Variants in TNNI3K observed in about 807,000 individuals in gnomAD.
The protein encoded by TNNI3K is serine/threonine-protein kinase TNNI3K.
A neutral mutation model predicts 114.5 loss-of-function variants in TNNI3K; 140 were observed. That is an observed-to-expected ratio of 1.22 (90% CI 1.07 to 1.41). The LOEUF is 1.41. TNNI3K is among the 40% of genes most tolerant of loss of function. The probability of loss-of-function intolerance (pLI) is 0.00; values close to 1 mark genes in which losing one functional copy is unlikely to be tolerated. For missense variants in TNNI3K, 1,125 were observed against 1,007.6 expected (o/e 1.12, Z -1.58); for synonymous variants, 347 against 347.5 (o/e 1.00, Z 0.02).
intron 4 of TNNI3K, among the ~76,000 whole-genome samples, chr1:74,263,430 A>G (rs1475033143): frequency 6.6e-6 from 1 of 152,042 alleles, no homozygotes. Context: ...CTTGATATAT[A>G]TACTTAATAA....
At chr1:74,316,934 C>T (rs910908105) in intron 5 of TNNI3K, among the ~76,000 whole-genome samples, 1 of 151,686 alleles carries the variant, frequency 6.6e-6, no homozygotes, top group African/African-American at 2.4e-5. Flanking sequence ...CTCCTGACCT[C>T]GTGATCTGCC....
At position 74,408,220 on chromosome 1, in the gene TNNI3K, A is replaced by G. The variant is rs1886771; in HGVS notation, c.1773-27860A>G. On this transcript the variant is annotated intron_variant, in intron 17 of 24. Transcript: ENST00000326637. ...GCATGGGTAGGACATTGAATGCCAA[A>G]CCGATGACAATTTTCAAGTAGGGAT... is the stretch of plus-strand genomic sequence containing the variant. Among the ~76,000 whole-genome samples, 732 of 152,248 alleles carry G rather than the reference A, an allele frequency of 4.8e-3. 12 individuals are homozygous for G. Among genetic ancestry groups the G allele is most frequent in the African/African-American group, 0.017 (699 of 41,560 alleles).
intron 23 of TNNI3K, among the ~76,000 whole-genome samples, chr1:74,500,455 T>G (rs1324524439): frequency 1.3e-5 from 2 of 151,206 alleles, no homozygotes; most frequent in African/African-American, 4.9e-5. Flanking sequence ...TACAAAAAAA[T>G]TAGCCGGGCG....
At chr1:74,511,937 G>A (rs938829764) in intron 23 of TNNI3K, among the ~76,000 whole-genome samples, 14 of 152,148 alleles carry the variant, frequency 9.2e-5, no homozygotes, top group African/African-American at 3.4e-4. Context: ...TATAGATGAG[G>A]ATCTAAAGTC....
At chr1:74,260,035 A>G (rs1029109246) in intron 4 of TNNI3K, among the ~76,000 whole-genome samples, 1 of 152,120 alleles carries the variant, frequency 6.6e-6, no homozygotes, top group Non-Finnish European at 1.5e-5. Flanking sequence ...TGTTTTTATA[A>G]TTTCTTCTGC....
intron 5 of TNNI3K, among the ~76,000 whole-genome samples, chr1:74,311,685 G>C (rs1659004477): frequency 6.6e-6 from 1 of 152,096 alleles, no homozygotes; most frequent in African/African-American, 2.4e-5. Context: ...TTTGTTCTTG[G>C]TGACATTTTA....
intron 17 of TNNI3K, among the ~76,000 whole-genome samples, chr1:74,392,302 A>C (rs1207125947): frequency 6.6e-6 from 1 of 152,334 alleles, no homozygotes; most frequent in East Asian, 1.9e-4. Flanking sequence ...GTTGCAAAAT[A>C]GAAGGATCTA....
chr1:74,352,910 G>A (rs765625496), intron 9 of TNNI3K, among the ~76,000 whole-genome samples: 11 of 152,164 alleles, frequency 7.2e-5, no homozygotes, highest in South Asian at 2.1e-4. Context: ...GACCCTTTGC[G>A]CTTCCCAGGT....
chr1:74,510,205 C>T (rs765536503), intron 23 of TNNI3K, among the ~76,000 whole-genome samples: 112 of 152,254 alleles, frequency 7.4e-4, no homozygotes, highest in Non-Finnish European at 1.5e-3. Context: ...AATCAGTTCT[C>T]ACCTTTTAAA....
Position 74,489,242 on chromosome 1 carries a change from C to T in TNNI3K, c.2175C>T (p.Asn725=). The change falls in exon 22 of 25, where the codon AAC becomes AAT. Residue 725 remains asparagine, a synonymous_variant. Coordinates refer to ENST00000326637, the MANE Select transcript of TNNI3K (RefSeq NM_015978.3). Reference sequence around the variant, plus strand: ...TGAAGTTAGAAGAGTGTCTCTGCAACATTGAGGTAAAAGCTTTAGCTTCTG... The same window carrying T: ...TGAAGTTAGAAGAGTGTCTCTGCAATATTGAGGTAAAAGCTTTAGCTTCTG... The part of the protein sequence containing the change: ...VVMKLEECLC[N]IELMSPASSN... The T allele has an allele frequency of 1.9e-6, 3 of 1,611,136 alleles. No individual in the cohort carries two copies. Among genetic ancestry groups the T allele is most frequent in the Non-Finnish European group, 2.5e-6 (3 of 1,178,724 alleles).
At chr1:74,393,364 T>TA (rs950594297) in intron 17 of TNNI3K, among the ~76,000 whole-genome samples, 33 of 151,850 alleles carry the variant, frequency 2.2e-4, no homozygotes, top group Admixed American at 5.2e-4. Flanking sequence ...CCATATAATT[T>TA]AAAAAAAAGG....
chr1:74,362,744 G>A (rs933694834), intron 11 of TNNI3K, among the ~76,000 whole-genome samples: 8 of 152,040 alleles, frequency 5.3e-5, no homozygotes, highest in African/African-American at 1.7e-4. Flanking sequence ...TGAAAGCAAA[G>A]AGGATTTAAC....
At chr1:74,425,333 A>G (rs931379024) in intron 17 of TNNI3K, among the ~76,000 whole-genome samples, 3 of 152,266 alleles carry the variant, frequency 2.0e-5, no homozygotes, top group South Asian at 4.1e-4. Context: ...AATGTTGAAT[A>G]TATAGAAAAC....
chr1:74,436,949 G>A (rs529787781), intron 19 of TNNI3K, among the ~76,000 whole-genome samples: 50 of 152,044 alleles, frequency 3.3e-4, no homozygotes, highest in African/African-American at 1.2e-3. Context: ...GTATATCCAA[G>A]TATTAATGTT....
intron 17 of TNNI3K, chr1:74,402,023 T>C: frequency 4.1e-6 from 1 of 245,408 alleles, no homozygotes; most frequent in South Asian, 4.6e-5. Flanking sequence ...AATAATAAAC[T>C]TAAGTTGGAA....
At chr1:74,320,514 T>G (rs565368698) in intron 5 of TNNI3K, among the ~76,000 whole-genome samples, 1 of 152,344 alleles carries the variant, frequency 6.6e-6, no homozygotes, top group South Asian at 2.1e-4. Flanking sequence ...ATATATTAAA[T>G]AGTCAGTTTT....
intron 5 of TNNI3K, among the ~76,000 whole-genome samples, chr1:74,289,465 T>C (rs1557476980): frequency 6.6e-6 from 1 of 151,014 alleles, no homozygotes; most frequent in Non-Finnish European, 1.5e-5. Flanking sequence ...AAAAAAGAAG[T>C]CGAACTCACC....
intron 23 of TNNI3K, among the ~76,000 whole-genome samples, chr1:74,501,403 C>A (rs143384210): frequency 4.4e-4 from 67 of 152,260 alleles, no homozygotes; most frequent in African/African-American, 1.5e-3. Context: ...TTTCTTCAAA[C>A]GAATTTTATC....
chr1:74,477,771 G>A (rs1668278238), intron 21 of TNNI3K, among the ~76,000 whole-genome samples: 1 of 152,164 alleles, frequency 6.6e-6, no homozygotes, highest in African/African-American at 2.4e-5. Flanking sequence ...GAAGCTTGTA[G>A]GCAGGCGGAA....
Sources: allele counts gnomAD v4.1 joint callset (sites outside exome capture counted in the v4.1 genomes callset), GRCh38; gene constraint gnomAD v4.1.1; transcripts MANE v1.5; gene names NCBI Gene and HGNC (gene_info 2026-07-23, HGNC 2026-07-21).